Variants in ITGAM observed in about 807,000 individuals in gnomAD.
ITGAM encodes the protein integrin alpha-M.
In ITGAM, 79 loss-of-function variants were observed where a neutral mutation model predicts 137.5. The observed-to-expected ratio is 0.57, with a 90% CI of 0.48 to 0.69. The LOEUF is 0.69. Ranked by LOEUF, ITGAM falls within the 30% of genes least tolerant of loss-of-function variation. ITGAM has a pLI of 0.00. For missense variants in ITGAM, 1,343 were observed against 1,483.5 expected, an observed-to-expected ratio of 0.91 and a Z score of 1.56; for synonymous variants, 583 against 592.3, an observed-to-expected ratio of 0.98 and a Z score of 0.23.
At chr16:31,276,107 A>G (rs1376507923) in intron 9 of ITGAM, among the ~76,000 whole-genome samples, 23 of 152,146 alleles carry the variant, frequency 1.5e-4, no homozygotes. Flanking sequence ...GATTTCATAA[A>G]CAGTCTGGGT....
chr16:31,321,611 G>C lies in ITGAM; in HGVS notation c.1986G>C (p.Arg662=). The C allele has an allele frequency of 1.9e-6, 3 of 1,613,746 alleles. No individual in the cohort carries two copies. The highest frequency in any genetic ancestry group is 2.5e-6 in the Non-Finnish European group (3 of 1,179,812). ...GCCTCCATGTCCAGAAGAGCACACG[G>C]GATCGGCTAAGAGAAGGTGAGGCTT... The part of the protein sequence containing the change: ...RVCLHVQKST[R]DRLREGQIQS... Residue 662 remains arginine, a synonymous_variant, in exon 16 of 30, where the codon CGG becomes CGC. Coordinates refer to ENST00000544665, the MANE Select transcript of ITGAM (RefSeq NM_000632.4).
intron 12 of ITGAM, among the ~76,000 whole-genome samples, chr16:31,292,155 G>A (rs2080093286): frequency 6.6e-6 from 1 of 151,894 alleles, no homozygotes; most frequent in Admixed American, 6.6e-5. Flanking sequence ...AAATAAAAAA[G>A]TAGAGTATCC....
At chr16:31,283,161 C>T (rs373104360) in intron 12 of ITGAM, among the ~76,000 whole-genome samples, 27 of 152,044 alleles carry the variant, frequency 1.8e-4, no homozygotes, top group Admixed American at 1.4e-3. Flanking sequence ...ATTTTTTCCT[C>T]CATTTCAACT....
At chr16:31,261,841 C>A in intron 2 of ITGAM, 44 bp downstream of exon 2, 2 of 1,239,656 alleles carry the variant, frequency 1.6e-6, no homozygotes, top group Non-Finnish European at 2.3e-6. Flanking sequence ...GCTTTCTCTC[C>A]AAGACTTACA....
intron 5 of ITGAM, among the ~76,000 whole-genome samples, chr16:31,267,924 G>T (rs993805431): frequency 6.6e-6 from 1 of 152,172 alleles, no homozygotes; most frequent in Non-Finnish European, 1.5e-5. Context: ...GATCACAGGT[G>T]TGAGCCACTG....
intron 14 of ITGAM, among the ~76,000 whole-genome samples, chr16:31,310,028 G>C (rs908188166): frequency 2.6e-5 from 4 of 150,970 alleles, no homozygotes; most frequent in Non-Finnish European, 4.4e-5. Flanking sequence ...AGAAAGTTCG[G>C]GTTACCCACA....
Position 31,328,190 on chromosome 16 carries a change from G to A in ITGAM, c.2752G>A (p.Glu918Lys). Reference protein sequence around the residue: ...PRTNKTEFQLELPVKYAVYMV... With the variant: ...PRTNKTEFQLKLPVKYAVYMV... ...AACCAACAAAACCGAATTCCAACTG[G>A]AGCTGCCGGTGAAATATGCTGTCTA... is the stretch of plus-strand genomic sequence containing the variant. The change falls in exon 23 of 30, where the codon GAG becomes AAG. Residue 918 changes from glutamate (E) to lysine (K), a missense_variant. Physicochemically the swap from Glu to Lys is moderately conservative, Grantham distance 56. Transcript: ENST00000544665. 6.2e-7 allele frequency: 1 copy of A among 1,613,974 alleles called. No individual in the cohort carries two copies. Among genetic ancestry groups the A allele is most frequent in the Non-Finnish European group, 8.5e-7 (1 of 1,179,882 alleles).
intron 14 of ITGAM, among the ~76,000 whole-genome samples, chr16:31,318,649 T>C (rs2080417089): frequency 6.6e-6 from 1 of 152,206 alleles, no homozygotes. Context: ...TGGCCAAAGC[T>C]TGTCAATTCT....
intron 14 of ITGAM, among the ~76,000 whole-genome samples, chr16:31,304,270 G>A (rs1567269287): frequency 6.6e-6 from 1 of 152,020 alleles, no homozygotes; most frequent in Non-Finnish European, 1.5e-5. Flanking sequence ...CTTCTTTTGA[G>A]AATTGTCTAT....
chr16:31,326,905 A>G lies in ITGAM; in HGVS notation c.2678A>G (p.Asn893Ser). 3 of 1,613,684 alleles carry G rather than the reference A, an allele frequency of 1.9e-6. No homozygotes were observed. The highest frequency in any genetic ancestry group is 2.2e-5 in the East Asian group (1 of 44,880). ...FDVDSKASLGNKLLLKANVTS... is the reference protein window; with the variant it reads ...FDVDSKASLGSKLLLKANVTS... ...GTAGACTCTAAGGCTTCCCTTGGAA[A>G]CAAACTGCTCCTCAAGGCCAATGTG... The change falls in exon 22 of 30, where the codon AAC becomes AGC. Residue 893 changes from asparagine to serine, a missense_variant. Asn to Ser is a conservative substitution (Grantham distance 46). Coordinates refer to ENST00000544665, the MANE Select transcript of ITGAM (RefSeq NM_000632.4).
At chr16:31,319,849 G>C (rs774669811) in intron 14 of ITGAM, among the ~76,000 whole-genome samples, 4 of 150,242 alleles carry the variant, frequency 2.7e-5, no homozygotes, top group Non-Finnish European at 5.9e-5. Flanking sequence ...ATCTCATTCT[G>C]TCACCCAGGC....
At chr16:31,322,030 G>A (rs1026187132) in intron 16 of ITGAM, among the ~76,000 whole-genome samples, 7 of 152,188 alleles carry the variant, frequency 4.6e-5, no homozygotes, top group Non-Finnish European at 1.0e-4. Context: ...TTCTCAAAGA[G>A]TAGAACTGTG....
intron 12 of ITGAM, among the ~76,000 whole-genome samples, chr16:31,280,974 A>G (rs1256730531): frequency 6.6e-6 from 1 of 152,176 alleles, no homozygotes; most frequent in Non-Finnish European, 1.5e-5. Flanking sequence ...TATTGAGATA[A>G]TCACGTGGTT....
At chr16:31,285,802 CT>C (rs909613572) in intron 12 of ITGAM, among the ~76,000 whole-genome samples, 496 of 143,348 alleles carry the variant, frequency 3.5e-3, no homozygotes, top group Middle Eastern at 3.6e-3. Flanking sequence ...TTTTCTCTCT[CT>C]TTTTTTTTTT....
chr16:31,294,125 C>G (rs933792509), intron 12 of ITGAM, among the ~76,000 whole-genome samples: 2 of 152,116 alleles, frequency 1.3e-5, no homozygotes. Flanking sequence ...GCTGAAGGAG[C>G]TCCTAGGCCA....
At chr16:31,291,196 C>A (rs764190687) in intron 12 of ITGAM, among the ~76,000 whole-genome samples, 1 of 152,142 alleles carries the variant, frequency 6.6e-6, no homozygotes, top group Non-Finnish European at 1.5e-5. Context: ...GGATAATATT[C>A]CATTGTGCAC....
At position 31,276,740 on chromosome 16, in the gene ITGAM, C is replaced by T. The variant is rs201753831; in HGVS notation, c.1079C>T (p.Thr360Ile). Residue 360 changes from threonine to isoleucine, a missense_variant, in exon 10 of 30, where the codon ACC becomes ATC. Thr to Ile is a moderately conservative substitution (Grantham distance 89). Transcript: ENST00000544665. ...MSQEGFSAAI[T>I]SNGPLLSTVG... ...CAGGAAGGCTTCAGCGCTGCCATCACCTCTGTAAGTGGCCCTTCATTAAAT... is the reference window on the plus strand; with the variant it reads ...CAGGAAGGCTTCAGCGCTGCCATCATCTCTGTAAGTGGCCCTTCATTAAAT... 1 of 1,610,102 alleles carries T rather than the reference C, an allele frequency of 6.2e-7. No individual in the cohort carries two copies. Among genetic ancestry groups the T allele is most frequent in the Non-Finnish European group, 8.5e-7 (1 of 1,177,896 alleles).
At chr16:31,283,534 A>G (rs902899209) in intron 12 of ITGAM, among the ~76,000 whole-genome samples, 1 of 152,138 alleles carries the variant, frequency 6.6e-6, no homozygotes, top group African/African-American at 2.4e-5. Flanking sequence ...TTGTGCATGC[A>G]TCACGTAATT....
intron 12 of ITGAM, among the ~76,000 whole-genome samples, chr16:31,294,094 C>T: frequency 6.6e-6 from 1 of 152,134 alleles, no homozygotes; most frequent in East Asian, 1.9e-4. Context: ...TATCCTGAAA[C>T]TTTGTTGAAG....
Sources: gnomAD v4.1 joint callset for allele counts (sites outside exome capture counted in the v4.1 genomes callset) on GRCh38, gnomAD v4.1.1 for gene constraint, MANE v1.5 for transcripts, NCBI Gene and HGNC (gene_info 2026-07-23, HGNC 2026-07-21) for gene names.